The following LPAR6 variants were observed in gnomAD, a reference collection of about 807,000 sequenced individuals.
LPAR6 encodes the protein lysophosphatidic acid receptor 6, also known as G-protein coupled purinergic receptor P2Y5.
A neutral mutation model predicts 22.0 loss-of-function variants in LPAR6; 17 were observed. The ratio of observed to expected loss-of-function variants is 0.77; its 90% CI spans 0.53 to 1.16. The LOEUF (loss-of-function observed/expected upper bound fraction) is 1.16. LPAR6 is among the 50% of genes most tolerant of loss of function. LPAR6 has a pLI of 0.00. For missense variants in LPAR6, 384 were observed against 406.9 expected, an observed-to-expected ratio of 0.94 and a Z score of 0.48; for synonymous variants, 136 against 139.8, an observed-to-expected ratio of 0.97 and a Z score of 0.19.
intron 1 of LPAR6, among the ~76,000 whole-genome samples, chr13:48,442,604 T>G (rs970010849): frequency 1.3e-5 from 2 of 152,162 alleles, no homozygotes; most frequent in African/African-American, 4.8e-5. Context: ...AGACCCTCAC[T>G]GAATTGAAGA....
intron 1 of LPAR6, among the ~76,000 whole-genome samples, chr13:48,433,540 TAAATA>T (rs1949151792): frequency 6.6e-6 from 1 of 152,172 alleles, no homozygotes; most frequent in Admixed American, 6.5e-5. Flanking sequence ...AAATAAGTCT[TAAATA>T]AGTATGCCAC....
intron 1 of LPAR6, among the ~76,000 whole-genome samples, chr13:48,403,949 C>T (rs546174704): frequency 3.3e-5 from 5 of 152,014 alleles, no homozygotes; most frequent in African/African-American, 9.7e-5. Flanking sequence ...TGCAGGGAGC[C>T]GTGACTGCAC....
intron 1 of LPAR6, among the ~76,000 whole-genome samples, chr13:48,395,379 T>G (rs147510592): frequency 6.6e-6 from 1 of 151,796 alleles, no homozygotes; most frequent in South Asian, 2.1e-4. Context: ...CAAGGGGAGT[T>G]TGACGAATTG....
intron 1 of LPAR6, among the ~76,000 whole-genome samples, chr13:48,436,938 T>C (rs543547185): frequency 6.6e-6 from 1 of 152,340 alleles, no homozygotes; most frequent in African/African-American, 2.4e-5. Context: ...TTGTTAATTT[T>C]TCTACTAGCA....
chr13:48,441,185 C>T (rs1183832915), intron 1 of LPAR6, among the ~76,000 whole-genome samples: 2 of 152,168 alleles, frequency 1.3e-5, no homozygotes, highest in African/African-American at 4.8e-5. Flanking sequence ...AGGCCTGTTT[C>T]CTGGTTCATA....
chr13:48,420,888 A>G (rs1948995175), intron 2 of LPAR6, among the ~76,000 whole-genome samples: 1 of 152,212 alleles, frequency 6.6e-6, no homozygotes, highest in African/African-American at 2.4e-5. Context: ...AATAAAGAGG[A>G]CACAAACAAA....
At chr13:48,402,665 A>G (rs1948703704) in intron 1 of LPAR6, among the ~76,000 whole-genome samples, 1 of 151,814 alleles carries the variant, frequency 6.6e-6, no homozygotes, top group Admixed American at 6.6e-5. Flanking sequence ...ATGAGCTGCC[A>G]CTCTTGGCCT....
In LPAR6 at chr13:48,401,588, G is replaced by A. The variant is rs1593469391; in HGVS notation, n.115-11776C>T. ...TGTTTTAAAAACTCTGAACTGTCAC[G>A]ACCCAGTCTGTTTCAACATACACAT... On this transcript the variant is annotated intron_variant and non_coding_transcript_variant, in intron 1 of 1. Coordinates refer to the LPAR6 transcript ENST00000462781. Among the ~76,000 whole-genome samples the A allele has an allele frequency of 2.6e-5, 4 of 151,988 alleles. No individual in the cohort carries two copies. In the South Asian group the frequency reaches 8.3e-4, roughly 31 times the overall value.
intron 2 of LPAR6, among the ~76,000 whole-genome samples, chr13:48,421,707 G>A (rs191246073): frequency 1.9e-4 from 29 of 152,302 alleles, no homozygotes; most frequent in African/African-American, 6.7e-4. Context: ...AGTGGGTGAA[G>A]GATATGAACT....
intron 2 of LPAR6, among the ~76,000 whole-genome samples, chr13:48,419,631 G>C (rs1948973475): frequency 6.6e-6 from 1 of 151,912 alleles, no homozygotes; most frequent in East Asian, 1.9e-4. Context: ...AAAATAGATA[G>C]ACCACTAGCC....
chr13:48,411,902 T>C lies in LPAR6; in HGVS notation c.522A>G (p.Glu174=), dbSNP rs988452221. 1 of 1,613,418 alleles carries C rather than the reference T, an allele frequency of 6.2e-7. No individual in the cohort carries two copies. The highest frequency in any genetic ancestry group is 8.5e-7 in the Non-Finnish European group (1 of 1,179,640). Residue 174 remains glutamate, a synonymous_variant, in exon 1 of 1, where the codon GAA becomes GAG. Coordinates refer to ENST00000620633, the MANE Select transcript of LPAR6 (RefSeq NM_001162498.3). ...ASEACFENFP[E]ATWKTYLSRI... ...TTGAGAGATATGTTTTCCATGTGGC[T>C]TCTGGAAAATTTTCAAAGCAGGCTT...
intron 2 of LPAR6, among the ~76,000 whole-genome samples, chr13:48,419,683 A>G (rs1235070701): frequency 6.6e-6 from 1 of 152,218 alleles, no homozygotes; most frequent in Non-Finnish European, 1.5e-5. Context: ...AAATAGACAC[A>G]ATAAAAAAAT....
At position 48,401,770 on chromosome 13, in the gene LPAR6, T is replaced by G. The variant is rs73492909; in HGVS notation, n.115-11958A>C. 2.3e-3 allele frequency among the ~76,000 whole-genome samples: 353 copies of G among 152,312 alleles called. 2 individuals carry two copies. The highest frequency in any genetic ancestry group is 8.2e-3 in the African/African-American group (340 of 41,578). On this transcript the variant is annotated intron_variant and non_coding_transcript_variant, in intron 1 of 1. Coordinates refer to the LPAR6 transcript ENST00000462781. The stretch of plus-strand genomic sequence containing the variant: ...AAACGTAGAATAGGAAACAGCTGGA[T>G]TTGTTTCTTAGCCTTTTCAAAAAAG...
chr13:48,399,810 T>G (rs559676273), intron 1 of LPAR6, among the ~76,000 whole-genome samples: 1 of 152,028 alleles, frequency 6.6e-6, no homozygotes, highest in Non-Finnish European at 1.5e-5. Flanking sequence ...CTGAGTCCTA[T>G]GTCTGATCCC....
Position 48,412,387 on chromosome 13 carries a change from C to A in LPAR6, c.37G>T (p.Asp13Tyr). The A allele has an allele frequency of 6.2e-7, 1 of 1,614,020 alleles. No homozygotes were observed. The change falls in exon 1 of 1, where the codon GAC becomes TAC. Residue 13 changes from aspartate to tyrosine, a missense_variant. By Grantham distance (160) the Asp-to-Tyr change is radical (BLOSUM62 -3). Coordinates refer to ENST00000620633, the MANE Select transcript of LPAR6 (RefSeq NM_001162498.3). Reference protein sequence around the residue: ...SVNSSHCFYNDSFKYTLYGCM... With the variant: ...SVNSSHCFYNYSFKYTLYGCM... ...CCATACAAAGTGTACTTAAAGGAGT[C>A]ATTATAGAAGCAGTGGGAGCTGTTA...
intron 1 of LPAR6, among the ~76,000 whole-genome samples, chr13:48,405,540 T>C (rs960854793): frequency 1.3e-5 from 2 of 152,216 alleles, no homozygotes; most frequent in African/African-American, 2.4e-5. Context: ...AATTTTGTTT[T>C]AACACAGCCG....
downstream of LPAR6, among the ~76,000 whole-genome samples, chr13:48,407,688 T>C (rs1307977354): frequency 6.6e-6 from 1 of 152,232 alleles, no homozygotes; most frequent in African/African-American, 2.4e-5. Flanking sequence ...ATTAGTCCTT[T>C]TTAATTTGTA....
intron 1 of LPAR6, among the ~76,000 whole-genome samples, chr13:48,402,691 A>G (rs17071675): frequency 0.051 from 7,824 of 152,066 alleles, 672 homozygotes; most frequent in African/African-American, 0.17. Flanking sequence ...AACTATTTAT[A>G]TGTGTCCTTT....
chr13:48,412,192 T>C lies in LPAR6; in HGVS notation c.232A>G (p.Thr78Ala). ...FTLPFRIFYF[T>A]TRNWPFGDLL... ...TCTCCAAATGGCCAATTCCGTGTTG[T>C]GAAGTAAAAAATCCTGAAGGGTAAA... is the stretch of plus-strand genomic sequence containing the variant. The change falls in exon 1 of 1, where the codon ACA becomes GCA. Residue 78 changes from threonine (T) to alanine (A), a missense_variant. Coordinates refer to ENST00000620633, the MANE Select transcript of LPAR6 (RefSeq NM_001162498.3). 6.2e-7 allele frequency: 1 copy of C among 1,614,012 alleles called. No homozygotes were observed. The highest frequency in any genetic ancestry group is 8.5e-7 in the Non-Finnish European group (1 of 1,179,984).
Sources: gnomAD v4.1 joint callset for allele counts (sites outside exome capture counted in the v4.1 genomes callset) on GRCh38, gnomAD v4.1.1 for gene constraint, MANE v1.5 for transcripts, NCBI Gene and HGNC (gene_info 2026-07-23, HGNC 2026-07-21) for gene names.